The following ARMH1 variants were observed in gnomAD, a reference collection of about 807,000 sequenced individuals.
The protein encoded by ARMH1 is armadillo like helical domain containing 1.
A neutral mutation model predicts 50.2 loss-of-function variants in ARMH1; 34 were observed. That is an observed-to-expected ratio of 0.68 (90% CI 0.51 to 0.90). ARMH1 has a LOEUF of 0.90. Among genes scored for constraint, ARMH1 ranks in the 40% least tolerant of loss-of-function variants. The pLI, the probability that ARMH1 is intolerant of heterozygous loss-of-function variation, is 0.00. For missense variants in ARMH1, 538 were observed against 553.9 expected, an observed-to-expected ratio of 0.97 and a Z score of 0.29; for synonymous variants, 221 against 224.2, an observed-to-expected ratio of 0.99 and a Z score of 0.13.
chr1:44,697,317 C>T, intron 3 of ARMH1, 147 bp downstream of exon 3: 1 of 652,788 alleles, frequency 1.5e-6, no homozygotes, highest in Non-Finnish European at 2.7e-6. Context: ...GTAATGTCCA[C>T]CGGGCTCCTG....
chr1:44,724,267 C>T lies in ARMH1; in HGVS notation c.847+23C>T. ...GTGGTAAGGACCTGCTCAAATGGGG[C>T]TGCCTGGGCCACGGGAGGGCGGTCT... On this transcript the variant is annotated intron_variant, in intron 7 of 11. Transcript: ENST00000535358. The surrounding 1 kb of genome is among the most constrained non-coding windows in gnomAD (Gnocchi z 6.4). The T allele has an allele frequency of 1.3e-6, 2 of 1,551,260 alleles. No homozygotes were observed. Among genetic ancestry groups the T allele is most frequent in the Non-Finnish European group, 8.7e-7 (1 of 1,146,644 alleles).
intron 2 of ARMH1, among the ~76,000 whole-genome samples, chr1:44,692,078 C>T (rs1158960570): frequency 2.0e-5 from 3 of 152,236 alleles, no homozygotes; most frequent in African/African-American, 7.2e-5. Flanking sequence ...CTTGCCTGAA[C>T]CCTCTCGCCT....
intron 1 of ARMH1, among the ~76,000 whole-genome samples, chr1:44,680,747 AGAGGAGAGGGTT>A (rs1645281489): frequency 6.6e-6 from 1 of 152,090 alleles, no homozygotes; most frequent in Non-Finnish European, 1.5e-5. Flanking sequence ...GATGATCGTA[AGAGGAGAGGGTT>A]GCGCTTGATG....
chr1:44,687,897 G>A (rs1272013178), intron 1 of ARMH1, among the ~76,000 whole-genome samples: 1 of 152,174 alleles, frequency 6.6e-6, no homozygotes, highest in African/African-American at 2.4e-5. Flanking sequence ...CCTGCCTTTG[G>A]CGTCCTGGAA....
At chr1:44,722,696 G>A (rs1023133393) in intron 6 of ARMH1, among the ~76,000 whole-genome samples, 1 of 151,146 alleles carries the variant, frequency 6.6e-6, no homozygotes, top group African/African-American at 2.4e-5. Context: ...GTGAGCGATT[G>A]CACTCCAGCC....
At chr1:44,714,066 T>C (rs947327404) in intron 6 of ARMH1, among the ~76,000 whole-genome samples, 1 of 151,400 alleles carries the variant, frequency 6.6e-6, no homozygotes, top group African/African-American at 2.4e-5. Flanking sequence ...TCAGGAGATC[T>C]AGACCATCTG....
chr1:44,721,693 C>G (rs145187494), intron 6 of ARMH1: 1 of 152,072 alleles, frequency 6.6e-6, no homozygotes, highest in African/African-American at 2.4e-5. Context: ...CACACCACTC[C>G]GCTACAACCT....
intron 6 of ARMH1, among the ~76,000 whole-genome samples, chr1:44,707,402 G>C (rs1306152730): frequency 6.6e-6 from 1 of 152,138 alleles, no homozygotes; most frequent in African/African-American, 2.4e-5. Flanking sequence ...GGAACACAAT[G>C]GGTGCTCAGT....
At chr1:44,717,383 T>C (rs975241058) in intron 6 of ARMH1, among the ~76,000 whole-genome samples, 3 of 152,250 alleles carry the variant, frequency 2.0e-5, no homozygotes, top group Non-Finnish European at 2.9e-5. Flanking sequence ...AAATGTGACA[T>C]GGCACTATCC....
intron 1 of ARMH1, 65 bp from the exon 2 acceptor site, chr1:44,689,611 A>G (rs1489278275): frequency 1.6e-6 from 2 of 1,289,740 alleles, no homozygotes; most frequent in Non-Finnish European, 2.2e-6. Flanking sequence ...TGATTGCTAG[A>G]AAAATAATGG....
intron 2 of ARMH1, among the ~76,000 whole-genome samples, chr1:44,694,090 A>G (rs1645746761): frequency 2.0e-5 from 3 of 152,230 alleles, no homozygotes; most frequent in Non-Finnish European, 2.9e-5. Flanking sequence ...TCAAGTGCCA[A>G]TCATAGTGCC....
Position 44,724,655 on chromosome 1 carries a change from G to C in ARMH1, c.1037G>C (p.Ser346Thr). Residue 346 changes from serine to threonine, a missense_variant, in exon 9 of 12, where the codon AGC becomes ACC. Coordinates refer to ENST00000535358, the MANE Select transcript of ARMH1 (RefSeq NM_001145636.2). This position sits in a 1 kb window ranked among gnomAD's most constrained non-coding sequence, Gnocchi z 6.4. ...TDHSNSQRLA[S>T]LTLECFVQMF... ...CACAGCAACAGCCAGCGGCTGGCCA[G>C]CCTCACGCTGGAGGTGCGCGCGGCG... 2.7e-6 allele frequency: 4 copies of C among 1,499,148 alleles called. No homozygotes were observed. The highest frequency in any genetic ancestry group is 3.5e-6 in the Non-Finnish European group (4 of 1,129,510). The allele number at this position is 1,499,148 out of a possible 1,614,324, so 92.9% of individuals were successfully genotyped here.
intron 6 of ARMH1, among the ~76,000 whole-genome samples, chr1:44,721,620 T>G (rs894619336): frequency 1.3e-5 from 2 of 152,036 alleles, no homozygotes; most frequent in African/African-American, 2.4e-5. Context: ...TTAGACAGGC[T>G]TATGAGGCTG....
chr1:44,694,776 A>G (rs753965469), intron 2 of ARMH1, among the ~76,000 whole-genome samples: 1 of 152,126 alleles, frequency 6.6e-6, no homozygotes, highest in African/African-American at 2.4e-5. Flanking sequence ...CTGGGATCCC[A>G]AAGTGCTGGG....
At chr1:44,687,900 T>C (rs1645528117) in intron 1 of ARMH1, among the ~76,000 whole-genome samples, 1 of 152,174 alleles carries the variant, frequency 6.6e-6, no homozygotes. Context: ...GCCTTTGGCG[T>C]CCTGGAATCG....
At chr1:44,708,550 T>C (rs1014566432) in intron 6 of ARMH1, among the ~76,000 whole-genome samples, 1 of 152,158 alleles carries the variant, frequency 6.6e-6, no homozygotes, top group Non-Finnish European at 1.5e-5. Context: ...TCCACTCCCA[T>C]GTGGCATGTG....
intron 6 of ARMH1, chr1:44,723,846 C>G (rs1159143359): frequency 2.6e-6 from 1 of 383,146 alleles, no homozygotes; most frequent in African/African-American, 2.1e-5. Context: ...TCCTCCAAGG[C>G]GAAGGCCCCC....
intron 6 of ARMH1, chr1:44,721,809 A>G (rs1050249291): frequency 7.9e-5 from 12 of 152,164 alleles, no homozygotes; most frequent in Admixed American, 7.9e-4. Context: ...CAAGACTTCA[A>G]AAAATTTAAC....
At position 44,698,146 on chromosome 1, in the gene ARMH1, A is replaced by T. The variant is rs1469079258; in HGVS notation, c.359A>T (p.Glu120Val). 21 of 1,552,260 alleles carry T rather than the reference A, an allele frequency of 1.4e-5. No homozygotes were observed. Among genetic ancestry groups the T allele is most frequent in the Non-Finnish European group, 1.7e-5 (20 of 1,147,130 alleles). Residue 120 changes from glutamate (E) to valine (V), a missense_variant, in exon 4 of 12, where the codon GAG becomes GTG. Coordinates refer to ENST00000535358, the MANE Select transcript of ARMH1 (RefSeq NM_001145636.2). Reference sequence around the variant, plus strand: ...CTTGGGCTAGAGAAGATCAAGGAGGAGGCCAAGAAGGAATCTGTCAAACTA... The same window carrying T: ...CTTGGGCTAGAGAAGATCAAGGAGGTGGCCAAGAAGGAATCTGTCAAACTA... ...EILGLEKIKEEAKKESVKLLQ... is the reference protein window; with the variant it reads ...EILGLEKIKEVAKKESVKLLQ...
Sources: allele counts gnomAD v4.1 joint callset (sites outside exome capture counted in the v4.1 genomes callset), GRCh38; gene constraint gnomAD v4.1.1; non-coding constraint Gnocchi (gnomAD v3.1); transcripts MANE v1.5; gene names NCBI Gene and HGNC (gene_info 2026-07-23, HGNC 2026-07-21).